The following USP12 variants were observed in gnomAD, a reference collection of about 807,000 sequenced individuals.
USP12 encodes ubiquitin specific peptidase 12.
A neutral mutation model predicts 45.5 loss-of-function variants in USP12; 19 were observed. The ratio of observed to expected loss-of-function variants is 0.42; its 90% CI spans 0.29 to 0.61. The LOEUF is 0.61. USP12 is among the 20% of genes least tolerant of loss of function. USP12 has a pLI of 0.22. For missense variants in USP12, 242 were observed against 447.7 expected (o/e 0.54, Z 4.15); for synonymous variants, 149 against 148.8 (o/e 1.00, Z -0.01).
At chr13:27,102,352 G>C (rs1040003860) in intron 3 of USP12, among the ~76,000 whole-genome samples, 10 of 152,126 alleles carry the variant, frequency 6.6e-5, no homozygotes, top group African/African-American at 1.2e-4. Flanking sequence ...CCTCCAGGCT[G>C]GTCTCCTGCC....
intron 3 of USP12, among the ~76,000 whole-genome samples, chr13:27,096,951 T>A (rs899838314): frequency 6.6e-6 from 1 of 152,082 alleles, no homozygotes; most frequent in Non-Finnish European, 1.5e-5. Flanking sequence ...GATACAGATA[T>A]GACTACATAA....
At chr13:27,069,599 C>T (rs994100051) in intron 8 of USP12, among the ~76,000 whole-genome samples, 10 of 152,186 alleles carry the variant, frequency 6.6e-5, no homozygotes, top group Non-Finnish European at 1.3e-4. Flanking sequence ...AATTCTACTT[C>T]TAGGTACAGG....
intron 1 of USP12, among the ~76,000 whole-genome samples, chr13:27,163,450 T>C (rs951868077): frequency 3.9e-5 from 6 of 152,202 alleles, no homozygotes; most frequent in Non-Finnish European, 4.4e-5. Context: ...TAAGAAGCTT[T>C]TTCCTGAAGC....
intron 3 of USP12, among the ~76,000 whole-genome samples, chr13:27,102,527 C>A (rs1236604189): frequency 6.6e-6 from 1 of 152,226 alleles, no homozygotes; most frequent in East Asian, 1.9e-4. Flanking sequence ...TCATCTTATT[C>A]CACTCTTGCC....
At chr13:27,130,442 T>A (rs567793381) in intron 1 of USP12, among the ~76,000 whole-genome samples, 1 of 151,748 alleles carries the variant, frequency 6.6e-6, no homozygotes, top group South Asian at 2.1e-4. Flanking sequence ...AATGGATGAC[T>A]GCAAGCCTCA....
At chr13:27,163,328 C>A (rs568354009) in intron 1 of USP12, among the ~76,000 whole-genome samples, 4 of 152,246 alleles carry the variant, frequency 2.6e-5, no homozygotes, top group South Asian at 4.2e-4. Flanking sequence ...CGCTTTCACG[C>A]CAAACCACCT....
chr13:27,107,468 A>G (rs545796907), intron 2 of USP12, among the ~76,000 whole-genome samples: 1 of 152,256 alleles, frequency 6.6e-6, no homozygotes, highest in Non-Finnish European at 1.5e-5. Context: ...AAAAGATGCT[A>G]TAATAAAAAT....
At chr13:27,169,336 T>C (rs1878483006) in intron 1 of USP12, among the ~76,000 whole-genome samples, 1 of 152,090 alleles carries the variant, frequency 6.6e-6, no homozygotes, top group Non-Finnish European at 1.5e-5. Context: ...ATACGGGGTG[T>C]GGCAGGGAGG....
chr13:27,093,494 A>G (rs570382513), intron 4 of USP12, among the ~76,000 whole-genome samples: 1 of 152,344 alleles, frequency 6.6e-6, no homozygotes, highest in African/African-American at 2.4e-5. Context: ...CACACTTATT[A>G]GAATGGCCAA....
rs1878642492 is a variant in USP12, at chr13:27,171,748, G to A, written c.-109C>T. The A allele has an allele frequency of 3.1e-6, 2 of 654,842 alleles. No homozygotes were observed. The highest frequency in any genetic ancestry group is 6.3e-5 in the Admixed American group (1 of 15,828). The allele number at this position is 654,842 out of a possible 1,614,324, so 40.6% of individuals were successfully genotyped here. Reference sequence around the variant, plus strand: ...GCCCGCGGGCGGACCCCGAGCCGCCGCGGACCCAACCACCGAGCCCGCTGG... The same window carrying A: ...GCCCGCGGGCGGACCCCGAGCCGCCACGGACCCAACCACCGAGCCCGCTGG... On this transcript the variant is annotated 5_prime_UTR_variant, in exon 1 of 9. Transcript: ENST00000282344.
intron 3 of USP12, among the ~76,000 whole-genome samples, chr13:27,103,659 T>C (rs1304454275): frequency 7.0e-6 from 1 of 142,170 alleles, no homozygotes; most frequent in Non-Finnish European, 1.5e-5. Flanking sequence ...ATGCCTGTAA[T>C]CCAACACTTT....
chr13:27,094,551 A>C (rs4769540), intron 4 of USP12, among the ~76,000 whole-genome samples: 49,449 of 151,962 alleles, frequency 0.33, 9,234 homozygotes, highest in East Asian at 0.78. Flanking sequence ...CTGGGTGATC[A>C]AAAATTAATT....
At chr13:27,142,596 G>A (rs180882641) in intron 1 of USP12, among the ~76,000 whole-genome samples, 1 of 152,254 alleles carries the variant, frequency 6.6e-6, no homozygotes, top group East Asian at 1.9e-4. Context: ...CTGGATTTGG[G>A]TAAAAGGTAT....
intron 3 of USP12, among the ~76,000 whole-genome samples, chr13:27,098,897 A>G (rs1027149620): frequency 1.3e-5 from 2 of 152,182 alleles, no homozygotes; most frequent in Non-Finnish European, 2.9e-5. Flanking sequence ...CAAAACAGAA[A>G]GTGAAACAAG....
At chr13:27,128,114 TA>T (rs1268127913) in intron 1 of USP12, among the ~76,000 whole-genome samples, 1 of 152,232 alleles carries the variant, frequency 6.6e-6, no homozygotes. Flanking sequence ...GATTCGGATT[TA>T]CCTTAAGTCT....
rs1873321401 is a variant in USP12, at chr13:27,073,136, C to G, written c.933-1987G>C. ...AGACTGAGGCTGGGCAGAAGAGCGT[C>G]AAGGAAGACTTCCAGAGCGGAGGGG... is the stretch of plus-strand genomic sequence containing the variant. On this transcript the variant is annotated intron_variant, in intron 7 of 8. Transcript: ENST00000282344. 2.0e-5 allele frequency among the ~76,000 whole-genome samples: 3 copies of G among 150,724 alleles called. No homozygotes were observed. The South Asian group carries it at 6.3e-4, about 32-fold the overall frequency.
chr13:27,113,474 T>C (rs556867585), intron 2 of USP12, among the ~76,000 whole-genome samples: 9 of 152,226 alleles, frequency 5.9e-5, no homozygotes, highest in Middle Eastern at 3.4e-3. Flanking sequence ...TTTTAGAACA[T>C]TGTATTTCCA....
At chr13:27,097,550 G>A (rs9507842) in intron 3 of USP12, among the ~76,000 whole-genome samples, 2,018 of 152,282 alleles carry the variant, frequency 0.013, 22 homozygotes, top group South Asian at 0.06. Context: ...AGCTTTTTAT[G>A]GGGGTAGGAG....
intron 1 of USP12, among the ~76,000 whole-genome samples, chr13:27,128,330 T>A (rs987634053): frequency 1.7e-4 from 26 of 152,204 alleles, no homozygotes; most frequent in African/African-American, 6.3e-4. Flanking sequence ...CACATTTGGC[T>A]TAACAATAAC....
Sources: gnomAD v4.1 joint callset for allele counts (sites outside exome capture counted in the v4.1 genomes callset) on GRCh38, gnomAD v4.1.1 for gene constraint, MANE v1.5 for transcripts, NCBI Gene and HGNC (gene_info 2026-07-23, HGNC 2026-07-21) for gene names.